Variants in ZNF540 observed in about 807,000 individuals in gnomAD.
ZNF540 encodes the protein CTD-3064H18.6.
In ZNF540, 3 loss-of-function variants were observed where a neutral mutation model predicts 11.8. The ratio of observed to expected loss-of-function variants is 0.25; its 90% confidence interval spans 0.12 to 0.65. The LOEUF is 0.65. ZNF540 is among the 30% of genes least tolerant of loss of function. The pLI, the probability that ZNF540 is intolerant of heterozygous loss-of-function variation, is 0.83. For missense variants in ZNF540, 709 were observed against 793.1 expected, an observed-to-expected ratio of 0.89 and a Z score of 1.27; for synonymous variants, 247 against 259.0, an observed-to-expected ratio of 0.95 and a Z score of 0.45.
At chr19:37,560,680 TG>T in intron 1 of ZNF540, 1 of 152,098 alleles carries the variant, frequency 6.6e-6, no homozygotes, top group Middle Eastern at 3.4e-3. Flanking sequence ...AAGAAAAACA[TG>T]GATGTAAAGA....
intron 1 of ZNF540, chr19:37,586,724 G>A (rs1398280497): frequency 6.2e-7 from 1 of 1,611,550 alleles, no homozygotes. Flanking sequence ...CTGGAGGTGT[G>A]CAAAGTCCAG....
At chr19:37,586,890 AGAAGGGGTTCAGGCAGACC>A (rs1255691164) in intron 1 of ZNF540, 1 of 597,236 alleles carries the variant, frequency 1.7e-6, no homozygotes, top group Non-Finnish European at 3.0e-6. Context: ...CAGCTACTGC[AGAAGGGGTTCAGGCAGACC>A]TTTCCTTAAT....
chr19:37,589,174 TGGGCGA>T, intron 1 of ZNF540, among the ~76,000 whole-genome samples: 1 of 127,228 alleles, frequency 7.9e-6, no homozygotes, highest in Non-Finnish European at 1.6e-5. Context: ...CACTTCAGCC[TGGGCGA>T]CAAGAGCCAA....
chr19:37,576,234 A>G (rs2043239121), intron 1 of ZNF540, among the ~76,000 whole-genome samples: 1 of 152,180 alleles, frequency 6.6e-6, no homozygotes, highest in Non-Finnish European at 1.5e-5. Flanking sequence ...TTCTTGAGAG[A>G]GAATTTTCCA....
intron 1 of ZNF540, chr19:37,583,985 T>C (rs2070887594): frequency 1.2e-6 from 2 of 1,611,540 alleles, no homozygotes; most frequent in Non-Finnish European, 1.7e-6. Context: ...TGAGATCAGG[T>C]TGCTGTAGTT....
intron 1 of ZNF540, among the ~76,000 whole-genome samples, chr19:37,589,348 A>C (rs957518150): frequency 6.6e-6 from 1 of 152,146 alleles, no homozygotes; most frequent in Non-Finnish European, 1.5e-5. Context: ...TACACAGACA[A>C]ATGACAAAAT....
chr19:37,611,319 G>A (rs2044126706), intron 4 of ZNF540, 194 bp from the exon 5 acceptor site: 1 of 422,406 alleles, frequency 2.4e-6, no homozygotes, highest in Non-Finnish European at 4.1e-6. Context: ...GAGCCACCGC[G>A]CCCGGCTATA....
chr19:37,555,371 A>G (rs2042648639), intron 1 of ZNF540: 2 of 157,752 alleles, frequency 1.3e-5, no homozygotes, highest in African/African-American at 4.8e-5. Context: ...ATTGAGTATT[A>G]AGATACATAA....
At chr19:37,575,780 T>C (rs2043222241) in intron 1 of ZNF540, 1 of 152,216 alleles carries the variant, frequency 6.6e-6, no homozygotes, top group Admixed American at 6.5e-5. Flanking sequence ...AACATGGCTG[T>C]CACGGACTTG....
intron 1 of ZNF540, 45 bp from the exon 2 acceptor site, chr19:37,598,331 G>A: frequency 1.0e-6 from 1 of 979,704 alleles, no homozygotes; most frequent in South Asian, 1.4e-5. Context: ...TTACCTCTGA[G>A]GCAGACCTAG....
intron 1 of ZNF540, chr19:37,586,591 A>C: frequency 1.9e-6 from 3 of 1,569,210 alleles, no homozygotes; most frequent in Non-Finnish European, 2.6e-6. Context: ...CAAGGCAGGA[A>C]ATTCTGGGAT....
chr19:37,579,769 C>T (rs938947202), intron 1 of ZNF540, among the ~76,000 whole-genome samples: 1 of 152,180 alleles, frequency 6.6e-6, no homozygotes, highest in Non-Finnish European at 1.5e-5. Flanking sequence ...TTATTACTCT[C>T]TCTCCCAGTA....
rs979241471 is a variant in ZNF540, at chr19:37,612,386, A to T, written c.1106A>T (p.Tyr369Phe). ...GGAAAGACCTTTAGACTTAGTTTTT[A>T]CCTTACTGAACACAGAAGAACTCAT... ...ECGKTFRLSFYLTEHRRTHAG... is the reference protein window; with the variant it reads ...ECGKTFRLSFFLTEHRRTHAG... The change falls in exon 5 of 5, where the codon TAC becomes TTC. Residue 369 changes from tyrosine (Y) to phenylalanine (F), a missense_variant. Transcript: ENST00000316433. 5.0e-6 allele frequency: 8 copies of T among 1,614,042 alleles called. No individual in the cohort carries two copies. Among genetic ancestry groups the T allele is most frequent in the Non-Finnish European group, 6.8e-6 (8 of 1,180,002 alleles).
rs2042658245 is a variant in ZNF540 at position 37,556,220 on chromosome 19, C to A, written c.-73+4555C>A. On this transcript the variant is annotated intron_variant, in intron 1 of 4. Transcript: ENST00000592533. ...AGACTTCCTTGGAGGTACTGGCCCT[C>A]CAAGTGGTGTTTGCAAATACACATC... is the stretch of plus-strand genomic sequence containing the variant. 9 of 652,000 alleles carry A rather than the reference C, an allele frequency of 1.4e-5. No homozygotes were observed. In the South Asian group the frequency reaches 1.5e-4, roughly 11 times the overall value. The allele number at this position is 652,000 out of a possible 1,614,324, so 40.4% of individuals were successfully genotyped here. A position where few individuals can be genotyped will look rare whatever the true frequency, so the allele number is the denominator to read the frequency against.
At position 37,611,568 on chromosome 19, in the gene ZNF540, A is replaced by G; in HGVS notation, c.288A>G (p.Glu96=). ...TATCTTCAGAAAAGGACATTCATGA[A>G]ATCAGTTTATCCAAAGAGAGTATAA... ...KKLSSEKDIH[E]ISLSKESIIE... Residue 96 remains glutamate (E), a synonymous_variant, in exon 5 of 5, where the codon GAA becomes GAG. Transcript: ENST00000316433. 6.2e-7 allele frequency: 1 copy of G among 1,610,000 alleles called. No individual in the cohort carries two copies. The highest frequency in any genetic ancestry group is 8.5e-7 in the Non-Finnish European group (1 of 1,178,640).
intron 1 of ZNF540, among the ~76,000 whole-genome samples, chr19:37,570,837 G>A (rs746776386): frequency 6.6e-6 from 1 of 151,958 alleles, no homozygotes; most frequent in Non-Finnish European, 1.5e-5. Flanking sequence ...GAAAAACAAC[G>A]AAAAAACCCA....
rs747138765 is a variant in ZNF540 at position 37,612,502 on chromosome 19, A to G, written c.1222A>G (p.Ile408Val). Residue 408 changes from isoleucine to valine, a missense_variant, in exon 5 of 5, where the codon ATA (isoleucine) becomes GTA (valine). Ile to Val is a conservative substitution (Grantham distance 29, BLOSUM62 3). Coordinates refer to ENST00000316433, the MANE Select transcript of ZNF540 (RefSeq NM_001172225.3). ...TCGGCATAAAACAATCCATACTGGT[A>G]TAAAACCTTTTGCATGTAAGGTGTG... The part of the protein sequence containing the change: ...LNRHKTIHTG[I>V]KPFACKVCEK... 4 of 1,614,180 alleles carry G rather than the reference A, an allele frequency of 2.5e-6. No homozygotes were observed. The highest frequency in any genetic ancestry group is 2.5e-6 in the Non-Finnish European group (3 of 1,180,024).
At chr19:37,552,120 G>T (rs73031326) in intron 1 of ZNF540, among the ~76,000 whole-genome samples, 26,147 of 152,000 alleles carry the variant, frequency 0.17, 2,512 homozygotes, top group Middle Eastern at 0.3. Flanking sequence ...TGTTATTTTT[G>T]ACTCCAAATA....
intron 1 of ZNF540, among the ~76,000 whole-genome samples, chr19:37,552,912 A>G (rs1315435084): frequency 6.6e-6 from 1 of 151,928 alleles, no homozygotes; most frequent in East Asian, 1.9e-4. Context: ...GCACCACTGC[A>G]CTCCAGCCTG....
Sources: gnomAD v4.1 joint callset for allele counts (sites outside exome capture counted in the v4.1 genomes callset) on GRCh38, gnomAD v4.1.1 for gene constraint, MANE v1.5 for transcripts, NCBI Gene and HGNC (gene_info 2026-07-23, HGNC 2026-07-21) for gene names.